The following RNF182 variants were observed in gnomAD, a reference collection of about 807,000 sequenced individuals.
The protein encoded by RNF182 is ring finger protein 182.
In RNF182, 15 loss-of-function variants were observed where a neutral mutation model predicts 14.4. That is an observed-to-expected ratio of 1.04 (90% CI 0.70 to 1.60). The LOEUF is 1.60. Among genes scored for constraint, RNF182 ranks in the 40% most tolerant of loss-of-function variants. The pLI, the probability that RNF182 is intolerant of heterozygous loss-of-function variation, is 0.00. For synonymous variants in RNF182, 128 were observed against 122.9 expected, an observed-to-expected ratio of 1.04 and a Z score of -0.27; for missense variants, 268 against 294.8, an observed-to-expected ratio of 0.91 and a Z score of 0.67.
chr6:13,973,697 C>A (rs1346261859), intron 1 of RNF182, among the ~76,000 whole-genome samples: 1 of 152,172 alleles, frequency 6.6e-6, no homozygotes, highest in Non-Finnish European at 1.5e-5. Flanking sequence ...GCCTCCCCAG[C>A]CATGTGGAAC....
chr6:13,978,158 T>C lies in RNF182; in HGVS notation c.*295T>C, dbSNP rs550637492. 3.3e-5 allele frequency: 11 copies of C among 331,100 alleles called. 1 individual carries two copies. In the South Asian group the frequency reaches 5.3e-4, roughly 16 times the overall value. 20.5% of individuals were successfully genotyped at this position (331,100 alleles called of 1,614,324 possible). The stretch of plus-strand genomic sequence containing the variant: ...AGCACTGCCAGACAGACGGCAGGGG[T>C]GTGGTGTGTTATACTATAGGGAGAG... On this transcript the variant is annotated 3_prime_UTR_variant, in exon 3 of 3. Coordinates refer to ENST00000488300, the MANE Select transcript of RNF182 (RefSeq NM_152737.4).
rs953319625 is a variant in RNF182, at chr6:13,949,349, A to G, written c.-367+24326A>G. 58 of 767,456 alleles carry G rather than the reference A, an allele frequency of 7.6e-5. No individual in the cohort carries two copies. In the African/African-American group the frequency reaches 9.1e-4, roughly 12 times the overall value. 47.5% of individuals were successfully genotyped at this position (767,456 alleles called of 1,614,324 possible). On this transcript the variant is annotated intron_variant, in intron 1 of 2. Coordinates refer to ENST00000488300, the MANE Select transcript of RNF182 (RefSeq NM_152737.4). ...TAATAGAGTGGCCCCCTTGCTTCCA[A>G]GTGTCCTGAAGCTGCCAGTCAGATC... is the stretch of plus-strand genomic sequence containing the variant.
At chr6:13,944,229 A>G (rs1759378358) in intron 1 of RNF182, among the ~76,000 whole-genome samples, 1 of 152,234 alleles carries the variant, frequency 6.6e-6, no homozygotes, top group Non-Finnish European at 1.5e-5. Context: ...ATGCTCTAGA[A>G]AAGGAAGGTC....
At chr6:13,938,466 T>TTA (rs889133440) in intron 1 of RNF182, among the ~76,000 whole-genome samples, 2 of 152,168 alleles carry the variant, frequency 1.3e-5, no homozygotes, top group Admixed American at 1.3e-4. Flanking sequence ...ATGAACTCAT[T>TTA]TATACATCTT....
chr6:13,969,223 G>C (rs1470849060), intron 1 of RNF182, among the ~76,000 whole-genome samples: 1 of 151,932 alleles, frequency 6.6e-6, no homozygotes. Context: ...GCAGTTTCTT[G>C]ATACATCTTT....
chr6:13,954,709 G>A (rs1048853610), intron 1 of RNF182, among the ~76,000 whole-genome samples: 2 of 151,892 alleles, frequency 1.3e-5, no homozygotes, highest in Non-Finnish European at 2.9e-5. Flanking sequence ...TTTTTTCCTT[G>A]CAATTTATTT....
chr6:13,967,947 A>G (rs1760076353), intron 1 of RNF182, among the ~76,000 whole-genome samples: 1 of 152,194 alleles, frequency 6.6e-6, no homozygotes. Flanking sequence ...CTATTCCACA[A>G]GCTATGGGAT....
At chr6:13,933,150 C>A (rs1236327985) in intron 1 of RNF182, among the ~76,000 whole-genome samples, 1 of 152,174 alleles carries the variant, frequency 6.6e-6, no homozygotes, top group Non-Finnish European at 1.5e-5. Context: ...CAATAGGAGA[C>A]TCCAAACCCT....
intron 1 of RNF182, among the ~76,000 whole-genome samples, chr6:13,937,057 A>C (rs1206402520): frequency 2.6e-5 from 4 of 152,162 alleles, no homozygotes; most frequent in South Asian, 4.1e-4. Context: ...TGAGTTTTAG[A>C]AAGTCTCTCA....
chr6:13,968,653 T>G (rs1409581831), intron 1 of RNF182, among the ~76,000 whole-genome samples: 1 of 152,120 alleles, frequency 6.6e-6, no homozygotes, highest in African/African-American at 2.4e-5. Context: ...AAGATTTCAT[T>G]TGGGGTGGTA....
chr6:13,979,655 G>T lies in RNF182; in HGVS notation c.*1792G>T. 1 of 166,658 alleles carries T rather than the reference G, an allele frequency of 6.0e-6. No individual in the cohort carries two copies. The allele number at this position is 166,658 out of a possible 1,614,324, so 10.3% of individuals were successfully genotyped here. A position where few individuals can be genotyped will look rare whatever the true frequency, so the allele number is the denominator to read the frequency against. On this transcript the variant is annotated 3_prime_UTR_variant, in exon 3 of 3. Transcript: ENST00000488300. ...GTGTTTAGAGTAAATACCATGTTTA[G>T]AAGATGTTTTGTGGTTTGGATTTAT...
intron 1 of RNF182, among the ~76,000 whole-genome samples, chr6:13,938,421 T>G (rs1054516692): frequency 1.3e-5 from 2 of 152,106 alleles, no homozygotes; most frequent in Admixed American, 1.3e-4. Context: ...TGCTTTTAAC[T>G]CTTATAATTT....
At chr6:13,967,003 AT>A (rs1372697706) in intron 1 of RNF182, among the ~76,000 whole-genome samples, 1 of 151,838 alleles carries the variant, frequency 6.6e-6, no homozygotes, top group Non-Finnish European at 1.5e-5. Context: ...CGCCTGGCTA[AT>A]TTTTGTATGT....
rs534392098 is a variant in RNF182, at chr6:13,972,982, C to T, written c.-366-1228C>T. Among the ~76,000 whole-genome samples the T allele has an allele frequency of 4.6e-5, 7 of 152,352 alleles. No homozygotes were observed. The South Asian group carries it at 1.5e-3, about 32-fold the overall frequency. On this transcript the variant is annotated intron_variant, in intron 1 of 2. Transcript: ENST00000488300. ...TTGTACCATGCATTTGGAAAAGCTG[C>T]AGACATTCAATGCCAGCCTGTGAAA...
chr6:13,928,473 A>AAAT (rs745666723), intron 1 of RNF182, among the ~76,000 whole-genome samples: 132 of 152,152 alleles, frequency 8.7e-4, no homozygotes, highest in Non-Finnish European at 1.5e-3. Context: ...CTTTGTTTTC[A>AAAT]GCCTTCCTTT....
intron 1 of RNF182, among the ~76,000 whole-genome samples, chr6:13,926,434 G>T (rs1758827008): frequency 6.6e-6 from 1 of 152,168 alleles, no homozygotes; most frequent in Non-Finnish European, 1.5e-5. Context: ...ATATTTGCCA[G>T]CAACTTCAAG....
At chr6:13,926,338 A>G (rs1218296482) in intron 1 of RNF182, among the ~76,000 whole-genome samples, 2 of 152,220 alleles carry the variant, frequency 1.3e-5, no homozygotes, top group East Asian at 3.8e-4. Context: ...GTGTCAGGCA[A>G]AGAGTGATTA....
rs1316685968 is a variant in RNF182, at chr6:13,979,380, A to C, written c.*1517A>C. The C allele has an allele frequency of 6.0e-6, 1 of 167,070 alleles. No homozygotes were observed. The highest frequency in any genetic ancestry group is 1.5e-5 in the Non-Finnish European group (1 of 68,124). The allele number at this position is 167,070 out of a possible 1,614,324, so 10.3% of individuals were successfully genotyped here. Reference sequence around the variant, plus strand: ...TTAGAAAGGGGGCATTACTAAGACGACTTTAACTTGTTATGAAATCTTTGT... The same window carrying C: ...TTAGAAAGGGGGCATTACTAAGACGCCTTTAACTTGTTATGAAATCTTTGT... On this transcript the variant is annotated 3_prime_UTR_variant, in exon 3 of 3. Coordinates refer to ENST00000488300, the MANE Select transcript of RNF182 (RefSeq NM_152737.4).
At chr6:13,941,984 G>T (rs1284531655) in intron 1 of RNF182, among the ~76,000 whole-genome samples, 1 of 151,866 alleles carries the variant, frequency 6.6e-6, no homozygotes, top group African/African-American at 2.4e-5. Context: ...TTTTCTTTCT[G>T]CTGGAAGAAC....
Sources: allele counts gnomAD v4.1 joint callset (sites outside exome capture counted in the v4.1 genomes callset), GRCh38; gene constraint gnomAD v4.1.1; transcripts MANE v1.5; gene names NCBI Gene and HGNC (gene_info 2026-07-23, HGNC 2026-07-21).